The following PCDHAC2 variants were observed in gnomAD, a reference collection of about 807,000 sequenced individuals.
PCDHAC2 encodes the protein protocadherin alpha-C2.
Under a neutral mutation model 63.3 loss-of-function variants are expected in PCDHAC2, and 24 were observed. That is an observed-to-expected ratio of 0.38 (90% CI 0.27 to 0.53). PCDHAC2 has a LOEUF of 0.53. Among genes scored for constraint, PCDHAC2 ranks in the 20% least tolerant of loss-of-function variants. The pLI, the probability that PCDHAC2 is intolerant of heterozygous loss-of-function variation, is 0.81. For missense variants in PCDHAC2, 1,181 were observed against 1,275.2 expected (o/e 0.93, Z 1.12); for synonymous variants, 569 against 529.4 (o/e 1.07, Z -1.03).
chr5:140,986,736 A>C (rs1056820843), intron 3 of PCDHAC2, among the ~76,000 whole-genome samples: 1 of 152,206 alleles, frequency 6.6e-6, no homozygotes, highest in South Asian at 2.1e-4. Context: ...TCAAGACCCC[A>C]GGGGATCTGG....
chr5:140,979,947 A>G (rs781881758), intron 2 of PCDHAC2, among the ~76,000 whole-genome samples: 4 of 152,258 alleles, frequency 2.6e-5, no homozygotes, highest in African/African-American at 4.8e-5. Context: ...AGTTAATGTG[A>G]AATTAGTTTT....
At position 141,010,158 on chromosome 5, in the gene PCDHAC2, GT is replaced by G. The variant is rs1563735803; in HGVS notation, c.*225del. 1.3e-6 allele frequency: 2 copies of G among 1,570,690 alleles called. No homozygotes were observed. The highest frequency in any genetic ancestry group is 1.7e-6 in the Non-Finnish European group (2 of 1,156,884). ...TAACTCTTTCTCTCCACTCTGGCTT[GT>G]TTTCAGAACCTAAAAAGCAGACCCA... On this transcript the variant is annotated 3_prime_UTR_variant, in exon 4 of 4. Coordinates refer to ENST00000289269, the MANE Select transcript of PCDHAC2 (RefSeq NM_018899.6).
intron 1 of PCDHAC2, among the ~76,000 whole-genome samples, chr5:140,976,335 G>T (rs1554237529): frequency 6.6e-6 from 1 of 152,140 alleles, no homozygotes; most frequent in East Asian, 1.9e-4. Flanking sequence ...TGGATTGCCT[G>T]AGGTCAGGTG....
intron 3 of PCDHAC2, among the ~76,000 whole-genome samples, chr5:141,002,832 C>T (rs147080489): frequency 1.2e-4 from 18 of 152,242 alleles, no homozygotes; most frequent in Admixed American, 2.6e-4. Context: ...GTAAATGGCC[C>T]AGGACTATGC....
At chr5:140,997,636 A>G (rs2097777002) in intron 3 of PCDHAC2, among the ~76,000 whole-genome samples, 2 of 151,964 alleles carry the variant, frequency 1.3e-5, no homozygotes, top group African/African-American at 4.8e-5. Flanking sequence ...AAAAAGCAAA[A>G]TGGGATAATG....
intron 1 of PCDHAC2, 99 bp from the exon 2 acceptor site, chr5:140,978,850 G>T: frequency 6.3e-7 from 1 of 1,577,084 alleles, no homozygotes; most frequent in Non-Finnish European, 8.6e-7. Flanking sequence ...TTTTTTAGAT[G>T]CCTGGAAATA....
chr5:140,967,849 T>C lies in PCDHAC2; in HGVS notation c.1083T>C (p.Asn361=). 6.2e-7 allele frequency: 1 copy of C among 1,614,116 alleles called. No homozygotes were observed. The highest frequency in any genetic ancestry group is 8.5e-7 in the Non-Finnish European group (1 of 1,180,028). ...VLVDIVDVND[N]APEVVLTDLY... ...TGGACATCGTGGACGTGAATGACAA[T>C]GCCCCAGAGGTGGTGCTCACGGACC... The change falls in exon 1 of 4, where the codon AAT becomes AAC. Residue 361 remains asparagine (N), a synonymous_variant. Coordinates refer to ENST00000289269, the MANE Select transcript of PCDHAC2 (RefSeq NM_018899.6).
intron 3 of PCDHAC2, among the ~76,000 whole-genome samples, chr5:140,994,027 A>G (rs1237081548): frequency 2.6e-5 from 4 of 152,234 alleles, no homozygotes; most frequent in Non-Finnish European, 2.9e-5. Context: ...TGCAGATATA[A>G]TATTAAATAT....
At chr5:140,993,018 C>T (rs2097537347) in intron 3 of PCDHAC2, among the ~76,000 whole-genome samples, 1 of 152,174 alleles carries the variant, frequency 6.6e-6, no homozygotes, top group African/African-American at 2.4e-5. Flanking sequence ...AGTCCAGCAT[C>T]CCCTGTGGGC....
intron 3 of PCDHAC2, 40 bp downstream of exon 3, chr5:140,982,603 G>A: frequency 6.2e-7 from 1 of 1,607,892 alleles, no homozygotes; most frequent in East Asian, 2.2e-5. Context: ...TTGGTTTCTG[G>A]AAAGTGATCA....
Position 141,010,123 on chromosome 5 carries a change from A to G in PCDHAC2, c.*186A>G, listed in dbSNP as rs782357783. The G allele has an allele frequency of 3.7e-6, 6 of 1,605,822 alleles. No individual in the cohort carries two copies. In the East Asian group the frequency reaches 1.3e-4, roughly 36 times the overall value. On this transcript the variant is annotated 3_prime_UTR_variant, in exon 4 of 4. Transcript: ENST00000289269. ...AGGTTTTGTCGTAAAAGCTTTACTA[A>G]GTCTGGTGTTAACTCTTTCTCTCCA...
intron 3 of PCDHAC2, among the ~76,000 whole-genome samples, chr5:141,007,772 G>T (rs1384054820): frequency 6.6e-6 from 1 of 152,122 alleles, no homozygotes; most frequent in Non-Finnish European, 1.5e-5. Context: ...GCCTGGAAAT[G>T]GTACTGCTTT....
At chr5:140,992,514 G>A (rs1256283066) in intron 3 of PCDHAC2, among the ~76,000 whole-genome samples, 1 of 152,176 alleles carries the variant, frequency 6.6e-6, no homozygotes, top group Non-Finnish European at 1.5e-5. Flanking sequence ...CTGGGGCATG[G>A]TAGCTAATGG....
chr5:141,002,195 A>G (rs2098065094), intron 3 of PCDHAC2, among the ~76,000 whole-genome samples: 1 of 152,244 alleles, frequency 6.6e-6, no homozygotes, highest in South Asian at 2.1e-4. Flanking sequence ...CTGGCAAGAT[A>G]GTCCCCGGCT....
Position 141,000,421 on chromosome 5 carries a change from A to ATTTT in PCDHAC2, c.2714-9186_2714-9183dup, listed in dbSNP as rs34755515. ...TATATATATATATATATATATATAT[A>ATTTT]TTTTTTTTTTTTTTTTTTTTTTTGA... On this transcript the variant is annotated intron_variant, in intron 3 of 3. Transcript: ENST00000289269. Among the ~76,000 whole-genome samples the ATTTT allele has an allele frequency of 6.1e-3, 170 of 27,980 alleles. 16 individuals carry two copies. The highest frequency in any genetic ancestry group is 7.4e-3 in the Non-Finnish European group (131 of 17,660). The allele number at this position is 27,980 out of a possible 152,430, so 18.4% of individuals were successfully genotyped here.
rs1554229674 is a variant in PCDHAC2 at position 140,967,558 on chromosome 5, C to G, written c.792C>G (p.Val264=). ...SPAFDQSTYR[V]QLREDSPPGT... ...CCTTTGACCAGTCCACTTATCGCGT[C>G]CAGCTACGGGAGGACTCACCCCCAG... The change falls in exon 1 of 4, where the codon GTC becomes GTG. Residue 264 remains valine, a synonymous_variant. Coordinates refer to ENST00000289269, the MANE Select transcript of PCDHAC2 (RefSeq NM_018899.6). The G allele has an allele frequency of 6.2e-7, 1 of 1,614,050 alleles. No individual in the cohort carries two copies. The highest frequency in any genetic ancestry group is 1.1e-5 in the South Asian group (1 of 91,072).
intron 3 of PCDHAC2, among the ~76,000 whole-genome samples, chr5:140,989,709 C>T (rs2097355670): frequency 6.6e-6 from 1 of 152,160 alleles, no homozygotes; most frequent in South Asian, 2.1e-4. Flanking sequence ...TCTTCAGAGG[C>T]AGTCAGCTTT....
At chr5:140,969,513 A>G (rs2096339726) in intron 1 of PCDHAC2, 182 bp downstream of exon 1, 1 of 1,417,106 alleles carries the variant, frequency 7.1e-7, no homozygotes, top group Non-Finnish European at 9.4e-7. Context: ...ATAGCACTAA[A>G]GAATTGTTTT....
chr5:140,974,330 A>G (rs542172748), intron 1 of PCDHAC2, among the ~76,000 whole-genome samples: 1 of 152,346 alleles, frequency 6.6e-6, no homozygotes, highest in African/African-American at 2.4e-5. Flanking sequence ...CTGCTGTGCT[A>G]GCAGGCTATG....
Sources: gnomAD v4.1 joint callset for allele counts (sites outside exome capture counted in the v4.1 genomes callset) on GRCh38, gnomAD v4.1.1 for gene constraint, MANE v1.5 for transcripts, NCBI Gene and HGNC (gene_info 2026-07-23, HGNC 2026-07-21) for gene names.